The following PITPNC1 variants were observed in gnomAD, a reference collection of about 807,000 sequenced individuals.
PITPNC1 encodes phosphatidylinositol transfer protein cytoplasmic 1.
In PITPNC1, 18 loss-of-function variants were observed where a neutral mutation model predicts 44.7. The ratio of observed to expected loss-of-function variants is 0.40; its 90% CI spans 0.28 to 0.60. The LOEUF (loss-of-function observed/expected upper bound fraction) is 0.60. Ranked by LOEUF, PITPNC1 falls within the 20% of genes least tolerant of loss-of-function variation. PITPNC1 has a pLI of 0.39. For synonymous variants in PITPNC1, 141 were observed against 149.6 expected (o/e 0.94, Z 0.42); for missense variants, 290 against 418.4 (o/e 0.69, Z 2.68).
At chr17:67,429,441 C>T (rs998062298) in intron 1 of PITPNC1, among the ~76,000 whole-genome samples, 65 of 151,036 alleles carry the variant, frequency 4.3e-4, no homozygotes, top group Non-Finnish European at 7.0e-4. Context: ...GGCTCATACC[C>T]GTAACCCCAG....
intron 5 of PITPNC1, chr17:67,611,639 G>C (rs1461380545): frequency 6.6e-6 from 1 of 152,242 alleles, no homozygotes; most frequent in Non-Finnish European, 1.5e-5. Flanking sequence ...ACCACACCCA[G>C]CTAATTTTGT....
At chr17:67,628,704 G>T (rs954215881) in intron 5 of PITPNC1, among the ~76,000 whole-genome samples, 2 of 152,142 alleles carry the variant, frequency 1.3e-5, no homozygotes, top group Non-Finnish European at 2.9e-5. Context: ...GAGAGAGTCG[G>T]GGCACGCTGC....
chr17:67,391,086 T>TG (rs377703515), intron 1 of PITPNC1, among the ~76,000 whole-genome samples: 1 of 151,750 alleles, frequency 6.6e-6, no homozygotes, highest in African/African-American at 2.4e-5. Context: ...TGTGTGTGTG[T>TG]TTAATCTTTT....
intron 1 of PITPNC1, among the ~76,000 whole-genome samples, chr17:67,489,517 C>T (rs1026695413): frequency 6.6e-5 from 10 of 152,244 alleles, no homozygotes; most frequent in East Asian, 1.9e-4. Flanking sequence ...TAGCTGCTCA[C>T]GGGATTCACC....
intron 5 of PITPNC1, among the ~76,000 whole-genome samples, chr17:67,585,620 T>C (rs2041303965): frequency 6.6e-6 from 1 of 151,966 alleles, no homozygotes; most frequent in East Asian, 1.9e-4. Flanking sequence ...CTGAGCAACG[T>C]GGCAAAACCC....
intron 4 of PITPNC1, among the ~76,000 whole-genome samples, chr17:67,568,168 A>G (rs1262995100): frequency 6.6e-6 from 1 of 152,258 alleles, no homozygotes; most frequent in African/African-American, 2.4e-5. Context: ...TCATTCGGCC[A>G]GAAAAAGGAA....
At chr17:67,382,742 AGCCTCCCGAGTAGCTGGGATTACAG>A (rs2037981947) in intron 1 of PITPNC1, among the ~76,000 whole-genome samples, 1 of 151,968 alleles carries the variant, frequency 6.6e-6, no homozygotes, top group African/African-American at 2.4e-5. Flanking sequence ...CTCCTGCCTC[AGCCTCCCGAGTAGCTGGGATTACAG>A]GCGCCCACCA....
At chr17:67,549,448 T>C (rs895860512) in intron 2 of PITPNC1, among the ~76,000 whole-genome samples, 72 of 152,190 alleles carry the variant, frequency 4.7e-4, no homozygotes, top group African/African-American at 1.5e-3. Flanking sequence ...GCCATCTCAA[T>C]GGAAAAGGTC....
chr17:67,655,452 C>T (rs1044193449), intron 6 of PITPNC1, among the ~76,000 whole-genome samples: 6 of 144,614 alleles, frequency 4.1e-5, no homozygotes, highest in Admixed American at 2.1e-4. Flanking sequence ...CCCAGCTACT[C>T]GGGAGGCTGA....
At chr17:67,691,827 G>A (rs1220644781) in intron 8 of PITPNC1, among the ~76,000 whole-genome samples, 2 of 152,110 alleles carry the variant, frequency 1.3e-5, no homozygotes, top group Admixed American at 6.5e-5. Context: ...GCAACATAGC[G>A]AGACCCTGTC....
At chr17:67,408,742 C>CTT (rs1240056130) in intron 1 of PITPNC1, 1 of 149,282 alleles carries the variant, frequency 6.7e-6, no homozygotes, top group African/African-American at 2.5e-5. Flanking sequence ...TTCTTTCTTT[C>CTT]TCTCTTTCTT....
chr17:67,418,363 A>G (rs1324205454), intron 1 of PITPNC1, among the ~76,000 whole-genome samples: 1 of 152,212 alleles, frequency 6.6e-6, no homozygotes, highest in Admixed American at 6.5e-5. Flanking sequence ...TAGTAAGTAA[A>G]TACTGACCCA....
intron 5 of PITPNC1, among the ~76,000 whole-genome samples, chr17:67,578,517 A>C (rs762799367): frequency 6.6e-6 from 1 of 152,164 alleles, no homozygotes; most frequent in Non-Finnish European, 1.5e-5. Flanking sequence ...GGTGATTGTC[A>C]TGGAGGTGGA....
At chr17:67,463,495 T>C (rs958607458) in intron 1 of PITPNC1, among the ~76,000 whole-genome samples, 4 of 152,122 alleles carry the variant, frequency 2.6e-5, no homozygotes, top group African/African-American at 9.7e-5. Flanking sequence ...ACATTGGAAG[T>C]CTGAGGTAGC....
intron 6 of PITPNC1, among the ~76,000 whole-genome samples, chr17:67,664,437 A>G (rs2042393417): frequency 6.6e-6 from 1 of 152,202 alleles, no homozygotes; most frequent in Non-Finnish European, 1.5e-5. Flanking sequence ...GTGTATCAGC[A>G]TTCCGTTTTC....
chr17:67,563,823 A>G (rs2040937123), intron 4 of PITPNC1, among the ~76,000 whole-genome samples: 1 of 152,206 alleles, frequency 6.6e-6, no homozygotes, highest in Admixed American at 6.5e-5. Flanking sequence ...TGGTGCTTAT[A>G]TTAGTCAAGG....
intron 2 of PITPNC1, among the ~76,000 whole-genome samples, chr17:67,533,947 T>C (rs2040495808): frequency 6.6e-6 from 1 of 151,894 alleles, no homozygotes; most frequent in Non-Finnish European, 1.5e-5. Flanking sequence ...CAGACGGGAG[T>C]GTAATGGCAT....
rs540131165 is a variant in PITPNC1, at chr17:67,695,723, G to A, written c.*2835G>A. 10 of 151,680 alleles carry A rather than the reference G, an allele frequency of 6.6e-5. No homozygotes were observed. In the East Asian group the frequency reaches 1.2e-3, roughly 18 times the overall value. 9.4% of individuals were successfully genotyped at this position (151,680 alleles called of 1,614,324 possible). A position where few individuals can be genotyped will look rare whatever the true frequency, so the allele number is the denominator to read the frequency against. ...AAATAATCCATAGAATATCACATAC[G>A]TTCACTCCATCTTCATCTCTGAAGT... On this transcript the variant is annotated 3_prime_UTR_variant, in exon 9 of 9. Transcript: ENST00000581322.
intron 5 of PITPNC1, among the ~76,000 whole-genome samples, chr17:67,601,108 A>G (rs772041038): frequency 6.6e-6 from 1 of 152,168 alleles, no homozygotes; most frequent in Non-Finnish European, 1.5e-5. Context: ...TTTCACCCCA[A>G]GCAGCCTGGA....
Sources: gnomAD v4.1 joint callset for allele counts (sites outside exome capture counted in the v4.1 genomes callset) on GRCh38, gnomAD v4.1.1 for gene constraint, MANE v1.5 for transcripts, NCBI Gene and HGNC (gene_info 2026-07-23, HGNC 2026-07-21) for gene names.